FAM234B: variants seen among roughly 807,000 people sequenced by gnomAD.
FAM234B encodes family with sequence similarity 234 member B, also known as protein FAM234B.
A neutral mutation model predicts 69.3 loss-of-function variants in FAM234B; 33 were observed. The ratio of observed to expected loss-of-function variants is 0.48; its 90% CI spans 0.36 to 0.64. FAM234B has a LOEUF of 0.64. FAM234B is among the 30% of genes least tolerant of loss of function. The pLI, the probability that FAM234B is intolerant of heterozygous loss-of-function variation, is 0.00. For synonymous variants in FAM234B, 306 were observed against 306.9 expected, an observed-to-expected ratio of 1.00 and a Z score of 0.03; for missense variants, 697 against 769.7, an observed-to-expected ratio of 0.91 and a Z score of 1.12.
chr12:13,068,861 A>T, intron 9 of FAM234B, 150 bp downstream of exon 9: 1 of 544,542 alleles, frequency 1.8e-6, no homozygotes. Flanking sequence ...GGATAAAATG[A>T]AAACTCACAA....
rs148475495 is a variant in FAM234B at position 13,059,750 on chromosome 12, G to C, written c.532+1201G>C. 2.0e-3 allele frequency among the ~76,000 whole-genome samples: 304 copies of C among 152,240 alleles called. 2 individuals carry two copies. The highest frequency in any genetic ancestry group is 7.1e-3 in the African/African-American group (295 of 41,550). On this transcript the variant is annotated intron_variant, in intron 3 of 12. Transcript: ENST00000197268. ...GAAGCAATCTGGGTGGAGATCTGCT[G>C]TAGAGAGCATCTCCAGCCTAGGAGT...
At chr12:13,076,176 G>C (rs564192851) in intron 11 of FAM234B, 33 bp downstream of exon 11, 1 of 1,453,664 alleles carries the variant, frequency 6.9e-7, no homozygotes, top group Admixed American at 1.7e-5. Context: ...GTCTGTGTAC[G>C]CAGATGGTGG....
chr12:13,078,604 T>C (rs1349123140), intron 11 of FAM234B, among the ~76,000 whole-genome samples: 2 of 152,218 alleles, frequency 1.3e-5, no homozygotes, highest in Non-Finnish European at 2.9e-5. Context: ...AAATTGTCCA[T>C]GTTTGCAGAT....
chr12:13,070,711 T>C (rs1865096554), intron 9 of FAM234B, among the ~76,000 whole-genome samples: 1 of 152,178 alleles, frequency 6.6e-6, no homozygotes, highest in African/African-American at 2.4e-5. Flanking sequence ...AGCACTGCTT[T>C]AAATTTGAGA....
chr12:13,078,596 A>G (rs888374167), intron 11 of FAM234B, among the ~76,000 whole-genome samples: 1 of 152,210 alleles, frequency 6.6e-6, no homozygotes, highest in Non-Finnish European at 1.5e-5. Flanking sequence ...AGGAAGTCAA[A>G]TTGTCCATGT....
chr12:13,058,641 G>A (rs1489059408), intron 3 of FAM234B, 92 bp downstream of exon 3: 3 of 1,041,498 alleles, frequency 2.9e-6, no homozygotes, highest in East Asian at 2.4e-5. Flanking sequence ...CTGCAGAGAA[G>A]GATCTGCAGT....
At chr12:13,074,314 G>A (rs930413052) in intron 10 of FAM234B, among the ~76,000 whole-genome samples, 11 of 152,174 alleles carry the variant, frequency 7.2e-5, no homozygotes, top group Non-Finnish European at 1.3e-4. Flanking sequence ...AAAGAAAAGA[G>A]CCATGTTACA....
At chr12:13,073,340 T>G (rs1032400731) in intron 10 of FAM234B, among the ~76,000 whole-genome samples, 1 of 152,154 alleles carries the variant, frequency 6.6e-6, no homozygotes, top group African/African-American at 2.4e-5. Context: ...TGTGCATTTC[T>G]TCTGCTGTAG....
chr12:13,063,416 T>C (rs1251927517), intron 5 of FAM234B, among the ~76,000 whole-genome samples: 4 of 152,256 alleles, frequency 2.6e-5, no homozygotes, highest in African/African-American at 9.6e-5. Flanking sequence ...TTAGTTTTAC[T>C]GTATTATATA....
intron 5 of FAM234B, among the ~76,000 whole-genome samples, chr12:13,065,022 C>G (rs1197556381): frequency 6.6e-6 from 1 of 152,130 alleles, no homozygotes. Context: ...TTCAGCATTA[C>G]AGACATGTTG....
Position 13,080,730 on chromosome 12 carries a change from G to A in FAM234B, c.*100G>A, listed in dbSNP as rs1039663551. ...AGTTCTATGGAGAGAAGACTTCTTC[G>A]TCCTCATTTACCACCTCCCTGATGG... is the stretch of plus-strand genomic sequence containing the variant. On this transcript the variant is annotated 3_prime_UTR_variant, in exon 13 of 13. Transcript: ENST00000197268. 16 of 1,029,998 alleles carry A rather than the reference G, an allele frequency of 1.6e-5. No individual in the cohort carries two copies. Among genetic ancestry groups the A allele is most frequent in the East Asian group, 9.8e-5 (4 of 40,926 alleles). The allele number at this position is 1,029,998 out of a possible 1,614,324, so 63.8% of individuals were successfully genotyped here.
chr12:13,055,558 G>T lies in FAM234B; in HGVS notation c.45G>T (p.Lys15Asn). 6.3e-7 allele frequency: 1 copy of T among 1,585,056 alleles called. No individual in the cohort carries two copies. The highest frequency in any genetic ancestry group is 8.6e-7 in the Non-Finnish European group (1 of 1,158,594). The change falls in exon 2 of 13, where the codon AAG becomes AAT. Residue 15 changes from lysine (K) to asparagine (N), a missense_variant. Coordinates refer to ENST00000197268, the MANE Select transcript of FAM234B (RefSeq NM_020853.2). ...LSRALKLPGK[K>N]SPDLGEYDPL... Reference sequence around the variant, plus strand: ...GTTTTTCTGTATTTTCAGGGAAGAAGAGCCCAGACCTAGGGGAGTATGATC... The same window carrying T: ...GTTTTTCTGTATTTTCAGGGAAGAATAGCCCAGACCTAGGGGAGTATGATC...
At chr12:13,075,889 C>T in intron 10 of FAM234B, 137 bp from the exon 11 acceptor site, 1 of 738,052 alleles carries the variant, frequency 1.4e-6, no homozygotes, top group Admixed American at 1.8e-5. Flanking sequence ...CAAACACATT[C>T]TTGTAGTTAG....
At position 13,075,433 on chromosome 12, in the gene FAM234B, C is replaced by CTTTTTTTTT. The variant is rs59012504; in HGVS notation, c.1525-586_1525-578dup. ...TGTACATTGCCTTTTCTTTTCTTTT[C>CTTTTTTTTT]TTTTTTTTTTTTTTTATTTTTTGAG... is the stretch of plus-strand genomic sequence containing the variant. On this transcript the variant is annotated intron_variant, in intron 10 of 12. Coordinates refer to ENST00000197268, the MANE Select transcript of FAM234B (RefSeq NM_020853.2). Among the ~76,000 whole-genome samples the CTTTTTTTTT allele has an allele frequency of 8.4e-3, 1,160 of 137,416 alleles. 9 individuals carry two copies. Among genetic ancestry groups the CTTTTTTTTT allele is most frequent in the Non-Finnish European group, 0.014 (870 of 64,380 alleles). The allele number at this position is 137,416 out of a possible 152,430, so 90.2% of individuals were successfully genotyped here.
Position 13,062,961 on chromosome 12 carries a change from A to G in FAM234B, c.838A>G (p.Ile280Val). 1.2e-6 allele frequency: 2 copies of G among 1,613,950 alleles called. No homozygotes were observed. The highest frequency in any genetic ancestry group is 1.7e-4 in the Middle Eastern group (1 of 6,040). ...TGTTCGAGACCTTGTGGTTCTGGCC[A>G]TTGGGGAATTGCAGGTATGATCTCT... ...DGVRDLVVLAIGELQPDLCFL... is the reference protein window; with the variant it reads ...DGVRDLVVLAVGELQPDLCFL... Residue 280 changes from isoleucine (I) to valine (V), a missense_variant, in exon 5 of 13, where the codon ATT becomes GTT. Physicochemically the swap from Ile to Val is conservative, Grantham distance 29. Transcript: ENST00000197268.
chr12:13,044,613 G>C lies in FAM234B; in HGVS notation c.37+173G>C, dbSNP rs1287059163. On this transcript the variant is annotated intron_variant, in intron 1 of 12. Transcript: ENST00000197268. This position sits in a 1 kb window ranked among gnomAD's most constrained non-coding sequence, Gnocchi z 5.6. ...GGGCTGGGGTCTCTGTGCCACCAGAGGGCGAGAGGGGCGCCCAGCGGGGCA... is the reference window on the plus strand; with the variant it reads ...GGGCTGGGGTCTCTGTGCCACCAGACGGCGAGAGGGGCGCCCAGCGGGGCA... Among the ~76,000 whole-genome samples the C allele has an allele frequency of 6.6e-6, 1 of 152,240 alleles. No homozygotes were observed. The highest frequency in any genetic ancestry group is 1.5e-5 in the Non-Finnish European group (1 of 68,044).
At chr12:13,070,914 G>A (rs764328951) in intron 9 of FAM234B, among the ~76,000 whole-genome samples, 5 of 152,130 alleles carry the variant, frequency 3.3e-5, no homozygotes, top group Admixed American at 6.5e-5. Context: ...TGGACAATCC[G>A]CGTGTCCACA....
chr12:13,059,785 T>C (rs1864966560), intron 3 of FAM234B, among the ~76,000 whole-genome samples: 2 of 152,214 alleles, frequency 1.3e-5, no homozygotes, highest in Non-Finnish European at 2.9e-5. Context: ...TAGATTTCCG[T>C]GCAATCAAAA....
At chr12:13,058,169 A>G (rs1337625377) in intron 2 of FAM234B, among the ~76,000 whole-genome samples, 1 of 152,140 alleles carries the variant, frequency 6.6e-6, no homozygotes, top group East Asian at 1.9e-4. Context: ...TTATGAGGCC[A>G]AAAGAAAACC....
Sources: gnomAD v4.1 joint callset for allele counts (sites outside exome capture counted in the v4.1 genomes callset) on GRCh38, gnomAD v4.1.1 for gene constraint, Gnocchi (gnomAD v3.1) non-coding constraint, MANE v1.5 for transcripts, NCBI Gene and HGNC (gene_info 2026-07-23, HGNC 2026-07-21) for gene names.